Variants in AHCTF1 observed in about 807,000 individuals in gnomAD.
AHCTF1 encodes AT-hook containing transcription factor 1, also known as protein ELYS.
A neutral mutation model predicts 248.4 loss-of-function variants in AHCTF1; 24 were observed. The observed-to-expected ratio is 0.10, with a 90% CI of 0.07 to 0.14. AHCTF1 has a LOEUF of 0.14. AHCTF1 is among the 10% of genes least tolerant of loss of function. The pLI, the probability that AHCTF1 is intolerant of heterozygous loss-of-function variation, is 1.00. For missense variants in AHCTF1, 2,206 were observed against 2,636.2 expected (o/e 0.84, Z 3.57); for synonymous variants, 786 against 929.8 (o/e 0.85, Z 2.81).
At chr1:246,847,306 C>CA (rs58227848) in intron 33 of AHCTF1, among the ~76,000 whole-genome samples, 61,502 of 146,706 alleles carry the variant, frequency 0.42, 13,724 homozygotes, top group African/African-American at 0.63. Flanking sequence ...AAAAAACAAA[C>CA]AAAAAAAAAA....
At chr1:246,861,390 T>C in intron 28 of AHCTF1, 95 bp from the exon 29 acceptor site, 11 of 1,172,922 alleles carry the variant, frequency 9.4e-6, no homozygotes, top group Non-Finnish European at 1.3e-5. Flanking sequence ...ATACTTTCTT[T>C]GTTGTTTTTA....
Position 246,842,555 on chromosome 1 carries a change from C to T in AHCTF1, c.6608+139G>A, listed in dbSNP as rs1217794717. On this transcript the variant is annotated intron_variant, in intron 35 of 35. Transcript: ENST00000648844. ...CGAAATCACACCACTGCACTCCAGC[C>T]TTGGTGACAGACCGAGACTCTGTCT... 1.4e-5 allele frequency: 8 copies of T among 563,270 alleles called. No individual in the cohort carries two copies. In the South Asian group the frequency reaches 2.6e-4, roughly 18 times the overall value. The allele number at this position is 563,270 out of a possible 1,614,324, so 34.9% of individuals were successfully genotyped here.
rs1296525294 is a variant in AHCTF1 at position 246,918,362 on chromosome 1, G to C, written c.9C>G (p.Asp3Glu). Residue 3 changes from aspartate to glutamate, a missense_variant, in exon 2 of 36, where the codon GAC becomes GAG. Physicochemically the swap from Asp to Glu is conservative, Grantham distance 45. Transcript: ENST00000648844. MR[D>E]LRAQVTSGLL... ...GACCACTAGTCACTTGAGCTCTTAAGTCTCGCATACTTCCACTGTAAATAT... is the reference window on the plus strand; with the variant it reads ...GACCACTAGTCACTTGAGCTCTTAACTCTCGCATACTTCCACTGTAAATAT... The C allele has an allele frequency of 6.2e-7, 1 of 1,611,036 alleles. No individual in the cohort carries two copies. The highest frequency in any genetic ancestry group is 8.5e-7 in the Non-Finnish European group (1 of 1,178,626).
intron 1 of AHCTF1, among the ~76,000 whole-genome samples, chr1:246,922,860 G>A (rs865813605): frequency 4.0e-5 from 6 of 150,892 alleles, no homozygotes; most frequent in African/African-American, 7.3e-5. Context: ...GCAGGCGCCT[G>A]TAGTCCCAGC....
chr1:246,867,636 C>G, intron 25 of AHCTF1, 25 bp downstream of exon 25: 1 of 1,608,404 alleles, frequency 6.2e-7, no homozygotes, highest in Non-Finnish European at 8.5e-7. Context: ...AGCAGCATGA[C>G]TATGAAACGT....
intron 33 of AHCTF1, 42 bp downstream of exon 33, chr1:246,849,573 G>C: frequency 6.4e-7 from 1 of 1,552,048 alleles, no homozygotes; most frequent in Non-Finnish European, 8.7e-7. Context: ...AAGCTGAAGA[G>C]TGACTGAGAT....
At chr1:246,901,116 A>G (rs1428399271) in intron 8 of AHCTF1, among the ~76,000 whole-genome samples, 1 of 150,834 alleles carries the variant, frequency 6.6e-6, no homozygotes, top group Non-Finnish European at 1.5e-5. Context: ...AGGTGGGCAG[A>G]TCAATTGAGC....
intron 33 of AHCTF1, among the ~76,000 whole-genome samples, chr1:246,845,835 T>G (rs2103032538): frequency 6.6e-6 from 1 of 152,260 alleles, no homozygotes; most frequent in Admixed American, 6.5e-5. Flanking sequence ...TTGCAGCATT[T>G]GCTGATTTCT....
At chr1:246,887,170 A>G in intron 20 of AHCTF1, 41 bp downstream of exon 20, 4 of 1,554,178 alleles carry the variant, frequency 2.6e-6, no homozygotes, top group Non-Finnish European at 3.5e-6. Flanking sequence ...CTAAAATTCT[A>G]GTAATTCATG....
Position 246,891,034 on chromosome 1 carries a change from C to T in AHCTF1, c.1972G>A (p.Val658Met), listed in dbSNP as rs756408014. 1 of 1,555,970 alleles carries T rather than the reference C, an allele frequency of 6.4e-7. No homozygotes were observed. Among genetic ancestry groups the T allele is most frequent in the Non-Finnish European group, 8.6e-7 (1 of 1,158,552 alleles). Residue 658 changes from valine (V) to methionine (M), a missense_variant, in exon 16 of 36, where the codon GTG (valine) becomes ATG (methionine). Physicochemically the swap from Val to Met is conservative, Grantham distance 21 (BLOSUM62 1). Transcript: ENST00000648844. ...RGLIDLSNKF[V>M]VSHLICQYAQ... ...TACTGACAGATGAGGTGGGAAACCA[C>T]AAACTTATTGCTTAAGTCTATCAGT...
At chr1:246,853,643 T>C (rs953545938) in intron 31 of AHCTF1, among the ~76,000 whole-genome samples, 6 of 150,070 alleles carry the variant, frequency 4.0e-5, no homozygotes, top group Non-Finnish European at 8.8e-5. Context: ...TGTAGAGTAA[T>C]TACAGAATTA....
At position 246,916,017 on chromosome 1, in the gene AHCTF1, T is replaced by C. The variant is rs369433989; in HGVS notation, c.375+125A>G. 1.6e-5 allele frequency: 18 copies of C among 1,161,074 alleles called. No individual in the cohort carries two copies. In the East Asian group the frequency reaches 1.7e-4, roughly 11 times the overall value. The allele number at this position is 1,161,074 out of a possible 1,614,324, so 71.9% of individuals were successfully genotyped here. A position where few individuals can be genotyped will look rare whatever the true frequency, so the allele number is the denominator to read the frequency against. ...ACACTTTACCTAAGAGTAACACATT[T>C]ACATAAAAGTATACAAATTGTAAAT... On this transcript the variant is annotated intron_variant, in intron 3 of 35. Transcript: ENST00000648844.
intron 4 of AHCTF1, among the ~76,000 whole-genome samples, chr1:246,912,155 G>A (rs1390802585): frequency 6.6e-6 from 1 of 151,972 alleles, no homozygotes; most frequent in African/African-American, 2.4e-5. Context: ...AATGAAAAGA[G>A]CTACACTGAT....
chr1:246,877,300 C>T lies in AHCTF1; in HGVS notation c.2663G>A (p.Cys888Tyr). ...CAAAAAATTCCAGGCTTCAACCATA[C>T]ACCTGAAAGCAGTATTTATCAAAGT... The part of the protein sequence containing the change: ...LHLTVLLFNR[C>Y]MVEAWNFLRQ... Residue 888 changes from cysteine (C) to tyrosine (Y), a missense_variant and splice_region_variant, in exon 22 of 36, where the codon TGT becomes TAT. Cys to Tyr is a radical substitution (Grantham distance 194, BLOSUM62 -2). Coordinates refer to ENST00000648844, the MANE Select transcript of AHCTF1 (RefSeq NM_001323342.2). 1 of 1,574,040 alleles carries T rather than the reference C, an allele frequency of 6.4e-7. No individual in the cohort carries two copies. Among genetic ancestry groups the T allele is most frequent in the South Asian group, 1.2e-5 (1 of 84,078 alleles).
Position 246,840,338 on chromosome 1 carries a change from C to A in AHCTF1, c.*468G>T, listed in dbSNP as rs1462240785. 6.6e-6 allele frequency: 1 copy of A among 152,610 alleles called. No individual in the cohort carries two copies. Among genetic ancestry groups the A allele is most frequent in the African/African-American group, 2.4e-5 (1 of 41,436 alleles). 9.5% of individuals were successfully genotyped at this position (152,610 alleles called of 1,614,324 possible). A position where few individuals can be genotyped will look rare whatever the true frequency, so the allele number is the denominator to read the frequency against. On this transcript the variant is annotated 3_prime_UTR_variant, in exon 36 of 36. Transcript: ENST00000648844. ...AGTAACAGCCAAAAACAAAAAAATA[C>A]ATTTTCTGATTAGAAATCTGAATCA...
chr1:246,850,934 T>A lies in AHCTF1; in HGVS notation c.5072A>T (p.Gln1691Leu), dbSNP rs1310305199. 2 of 1,613,996 alleles carry A rather than the reference T, an allele frequency of 1.2e-6. No homozygotes were observed. The highest frequency in any genetic ancestry group is 1.7e-6 in the Non-Finnish European group (2 of 1,179,856). ...TAAAGGTATTGTTTCATGAATGGAC[T>A]GTTCCATTGTATCTGAAGTAATTTC... ...SKEITSDTME[Q>L]SIHETIPLVS... The change falls in exon 33 of 36, where the codon CAG becomes CTG. Residue 1691 changes from glutamine (Q) to leucine (L), a missense_variant. Gln to Leu is a moderately radical substitution (Grantham distance 113). This residue lies in a region of AHCTF1 where 955 missense variants were observed against 1,055.6 expected (regional missense o/e 0.90). Transcript: ENST00000648844.
rs754035939 is a variant in AHCTF1, at chr1:246,850,548, G to C, written c.5458C>G (p.Gln1820Glu). Reference protein sequence around the residue: ...RRGRRKKEVNQDILENTSSVE... With the variant: ...RRGRRKKEVNEDILENTSSVE... Reference sequence around the variant, plus strand: ...GAACTGGTGTTTTCTAGTATGTCCTGATTAACTTCTTTCTTTCTCCTTCCT... The same window carrying C: ...GAACTGGTGTTTTCTAGTATGTCCTCATTAACTTCTTTCTTTCTCCTTCCT... The change falls in exon 33 of 36, where the codon CAG (glutamine) becomes GAG (glutamate). Residue 1820 changes from glutamine to glutamate, a missense_variant. By Grantham distance (29) the Gln-to-Glu change is conservative. Transcript: ENST00000648844. 7.5e-6 allele frequency: 12 copies of C among 1,608,476 alleles called. No homozygotes were observed. In the East Asian group the frequency reaches 2.7e-4, roughly 36 times the overall value.
chr1:246,849,541 T>A, intron 33 of AHCTF1, 74 bp downstream of exon 33: 2 of 1,516,022 alleles, frequency 1.3e-6, no homozygotes, highest in Non-Finnish European at 1.8e-6. Context: ...AAAACCATTT[T>A]TAGGACAAAT....
chr1:246,915,968 T>C (rs945324138), intron 3 of AHCTF1, among the ~76,000 whole-genome samples, 174 bp downstream of exon 3: 1 of 152,216 alleles, frequency 6.6e-6, no homozygotes, highest in Non-Finnish European at 1.5e-5. Context: ...TAACATATCA[T>C]CTTTAACCTC....
Sources: allele counts gnomAD v4.1 joint callset (sites outside exome capture counted in the v4.1 genomes callset), GRCh38; gene constraint gnomAD v4.1.1; regional missense constraint gnomAD v4.1.1; transcripts MANE v1.5; gene names NCBI Gene and HGNC (gene_info 2026-07-23, HGNC 2026-07-21).